ADAMTS20: variants seen among roughly 807,000 people sequenced by gnomAD.
ADAMTS20 encodes the protein A disintegrin and metalloproteinase with thrombospondin motifs 20.
Under a neutral mutation model 260.1 loss-of-function variants are expected in ADAMTS20, and 225 were observed. The observed-to-expected ratio is 0.87, with a 90% CI of 0.78 to 0.97. The LOEUF is 0.97. Among genes scored for constraint, ADAMTS20 ranks in the 50% least tolerant of loss-of-function variants. The pLI, the probability that ADAMTS20 is intolerant of heterozygous loss-of-function variation, is 0.00. For synonymous variants in ADAMTS20, 802 were observed against 769.5 expected (o/e 1.04, Z -0.70); for missense variants, 2,400 against 2,337.7 (o/e 1.03, Z -0.55).
chr12:43,497,730 A>T (rs1942697204), intron 4 of ADAMTS20, among the ~76,000 whole-genome samples: 1 of 152,124 alleles, frequency 6.6e-6, no homozygotes, highest in African/African-American at 2.4e-5. Flanking sequence ...GTATAAAATC[A>T]ATGTAATGCA....
intron 3 of ADAMTS20, among the ~76,000 whole-genome samples, chr12:43,511,509 G>GA (rs1395883485): frequency 6.6e-6 from 1 of 152,072 alleles, no homozygotes; most frequent in Non-Finnish European, 1.5e-5. Context: ...GGATTAGGTT[G>GA]AAGAAAGGCA....
At chr12:43,405,204 G>T (rs1254760602) in intron 28 of ADAMTS20, among the ~76,000 whole-genome samples, 1 of 86,882 alleles carries the variant, frequency 1.2e-5, no homozygotes, top group Non-Finnish European at 2.1e-5. Context: ...GATCAGCCTG[G>T]TAACAAAATG....
chr12:43,384,671 G>A (rs967786321), intron 29 of ADAMTS20, among the ~76,000 whole-genome samples: 1 of 152,002 alleles, frequency 6.6e-6, no homozygotes, highest in Non-Finnish European at 1.5e-5. Context: ...TGTTCTCATT[G>A]TTCAACTCCC....
At chr12:43,494,309 C>T (rs750339762) in intron 4 of ADAMTS20, among the ~76,000 whole-genome samples, 1 of 152,130 alleles carries the variant, frequency 6.6e-6, no homozygotes, top group Non-Finnish European at 1.5e-5. Flanking sequence ...AGGCCCTGAC[C>T]TTATGAAGCT....
chr12:43,452,159 G>T, intron 14 of ADAMTS20, 115 bp downstream of exon 14: 1 of 1,097,006 alleles, frequency 9.1e-7, no homozygotes, highest in Non-Finnish European at 1.3e-6. Context: ...TGCTTTGTTG[G>T]AATGCATAAG....
At position 43,493,248 on chromosome 12, in the gene ADAMTS20, T is replaced by C. The variant is rs575224157; in HGVS notation, c.873A>G (p.Ala291=). 12 of 1,546,004 alleles carry C rather than the reference T, an allele frequency of 7.8e-6. 1 individual carries two copies. Among genetic ancestry groups the C allele is most frequent in the Middle Eastern group, 1.7e-4 (1 of 5,750 alleles). Residue 291 remains alanine, a synonymous_variant, in exon 5 of 39, where the codon GCA becomes GCG. Transcript: ENST00000389420. ...NYILTLMSIV[A]TIYKDPSIGN... ...CAATACTTGGATCTTTGTAGATTGT[T>C]GCAACCTGCATGTAAAAAAAATGTA...
chr12:43,477,019 T>C (rs1216817981), intron 7 of ADAMTS20, among the ~76,000 whole-genome samples: 1 of 136,272 alleles, frequency 7.3e-6, no homozygotes, highest in Non-Finnish European at 1.6e-5. Context: ...GTGTCAGACA[T>C]GATACAAGAT....
chr12:43,543,165 G>T (rs1056568805), intron 2 of ADAMTS20, among the ~76,000 whole-genome samples: 5 of 151,996 alleles, frequency 3.3e-5, no homozygotes, highest in Non-Finnish European at 5.9e-5. Flanking sequence ...AAAAAAAACT[G>T]GTCAGGTGTG....
chr12:43,355,410 G>A (rs1372604063), intron 38 of ADAMTS20, among the ~76,000 whole-genome samples: 1 of 152,156 alleles, frequency 6.6e-6, no homozygotes, highest in Non-Finnish European at 1.5e-5. Context: ...ATTTTTGATT[G>A]AGATAGAACT....
At chr12:43,463,187 C>T (rs1942095238) in intron 10 of ADAMTS20, among the ~76,000 whole-genome samples, 188 bp from the exon 11 acceptor site, 2 of 152,100 alleles carry the variant, frequency 1.3e-5, no homozygotes, top group South Asian at 2.1e-4. Flanking sequence ...AAAATTGTGA[C>T]ATTTTCTTTA....
Position 43,428,584 on chromosome 12 carries a change from T to A in ADAMTS20, c.3654+51A>T, listed in dbSNP as rs1941380382. The A allele has an allele frequency of 2.0e-6, 3 of 1,478,676 alleles. No individual in the cohort carries two copies. In the Admixed American group the frequency reaches 7.1e-5, roughly 35 times the overall value. The allele number at this position is 1,478,676 out of a possible 1,614,324, so 91.6% of individuals were successfully genotyped here. A position where few individuals can be genotyped will look rare whatever the true frequency, so the allele number is the denominator to read the frequency against. On this transcript the variant is annotated intron_variant, in intron 25 of 38. Coordinates refer to ENST00000389420, the MANE Select transcript of ADAMTS20 (RefSeq NM_025003.5). ...ATACAACATTAATTTATATTTAATATCAAATATATTTAAATTTTTCATTTT... is the reference window on the plus strand; with the variant it reads ...ATACAACATTAATTTATATTTAATAACAAATATATTTAAATTTTTCATTTT...
intron 37 of ADAMTS20, among the ~76,000 whole-genome samples, chr12:43,364,571 A>T (rs1432242505): frequency 6.6e-6 from 1 of 152,184 alleles, no homozygotes; most frequent in Non-Finnish European, 1.5e-5. Flanking sequence ...GATGAAAAGT[A>T]CAATAATCAA....
At position 43,442,269 on chromosome 12, in the gene ADAMTS20, T is replaced by C. The variant is rs914563170; in HGVS notation, c.2290+1522A>G. On this transcript the variant is annotated intron_variant, in intron 16 of 38. Coordinates refer to ENST00000389420, the MANE Select transcript of ADAMTS20 (RefSeq NM_025003.5). ...TATTGGTGAACATTTCTTTTTTTTT[T>C]TTTTTGAGACAGAGTTTTGCTCTTG... Among the ~76,000 whole-genome samples, 4 of 152,108 alleles carry C rather than the reference T, an allele frequency of 2.6e-5. No homozygotes were observed. In the South Asian group the frequency reaches 8.3e-4, roughly 32 times the overall value.
At chr12:43,379,013 C>T (rs578100139) in intron 31 of ADAMTS20, among the ~76,000 whole-genome samples, 1 of 152,160 alleles carries the variant, frequency 6.6e-6, no homozygotes, top group Non-Finnish European at 1.5e-5. Context: ...TCCATGGTAA[C>T]CTTCAAAATC....
At chr12:43,534,777 C>T (rs897868228) in intron 2 of ADAMTS20, among the ~76,000 whole-genome samples, 1 of 151,986 alleles carries the variant, frequency 6.6e-6, no homozygotes, top group African/African-American at 2.4e-5. Context: ...AGGAAGAAAC[C>T]CTAAAACTAA....
intron 7 of ADAMTS20, among the ~76,000 whole-genome samples, chr12:43,476,113 T>C (rs932193124): frequency 4.0e-5 from 3 of 75,696 alleles, no homozygotes; most frequent in African/African-American, 5.2e-5. Context: ...AGGGCTAATA[T>C]CCAGAATCTA....
At chr12:43,399,651 T>G (rs2137252726) in intron 28 of ADAMTS20, among the ~76,000 whole-genome samples, 1 of 152,226 alleles carries the variant, frequency 6.6e-6, no homozygotes, top group South Asian at 2.1e-4. Flanking sequence ...TAAAGTATGT[T>G]TTCTATGTTA....
At chr12:43,492,733 G>A (rs1454713783) in intron 5 of ADAMTS20, 104 bp from the exon 6 acceptor site, 9 of 1,294,094 alleles carry the variant, frequency 7.0e-6, no homozygotes, top group Non-Finnish European at 9.7e-6. Flanking sequence ...ATTCTCACAG[G>A]TGAATGAAGG....
chr12:43,435,641 T>TAAAAAAAAAAAAAAAAAAAAAAAAAAA (rs35112845), intron 18 of ADAMTS20, among the ~76,000 whole-genome samples: 2 of 84,658 alleles, frequency 2.4e-5, no homozygotes, highest in Middle Eastern at 6.8e-3. Context: ...ACTCCATTTC[T>TAAAAAAAAAAAAAAAAAAAAAAAAAAA]AAAAAAAAAA....
Sources: allele counts gnomAD v4.1 joint callset (sites outside exome capture counted in the v4.1 genomes callset), GRCh38; gene constraint gnomAD v4.1.1; transcripts MANE v1.5; gene names NCBI Gene and HGNC (gene_info 2026-07-23, HGNC 2026-07-21).